NID1: variants seen among roughly 807,000 people sequenced by gnomAD.
NID1 encodes nidogen 1.
Under a neutral mutation model 130.6 loss-of-function variants are expected in NID1, and 76 were observed. That is an observed-to-expected ratio of 0.58 (90% CI 0.48 to 0.70). The LOEUF is 0.70. NID1 is among the 30% of genes least tolerant of loss of function. The probability of loss-of-function intolerance (pLI) is 0.00; values close to 1 mark genes in which losing one functional copy is unlikely to be tolerated. For missense variants in NID1, 1,517 were observed against 1,664.8 expected (o/e 0.91, Z 1.54); for synonymous variants, 665 against 675.1 (o/e 0.98, Z 0.23).
chr1:236,004,534 G>A (rs2102810650), intron 12 of NID1, among the ~76,000 whole-genome samples: 1 of 152,244 alleles, frequency 6.6e-6, no homozygotes, highest in Middle Eastern at 3.4e-3. Context: ...AAGCCAAGGC[G>A]AGTGGATCAG....
chr1:236,014,426 A>T (rs1658527116), intron 10 of NID1, among the ~76,000 whole-genome samples: 1 of 152,184 alleles, frequency 6.6e-6, no homozygotes, highest in Non-Finnish European at 1.5e-5. Context: ...AGAAAATCAG[A>T]AGCAAAATGC....
chr1:236,059,002 T>TA (rs1272671185), intron 1 of NID1, among the ~76,000 whole-genome samples: 1 of 152,254 alleles, frequency 6.6e-6, no homozygotes, highest in African/African-American at 2.4e-5. Context: ...AGGCTCTTTT[T>TA]ATCTTTTAAA....
chr1:236,064,946 T>A lies in NID1; in HGVS notation c.134A>T (p.Glu45Val). The change falls in exon 1 of 20, where the codon GAG becomes GTG. Residue 45 changes from glutamate to valine, a missense_variant. By Grantham distance (121) the Glu-to-Val change is moderately radical. Transcript: ENST00000264187. Reference protein sequence around the residue: ...FPFGPGQGDLELEDGDDFVSP... With the variant: ...FPFGPGQGDLVLEDGDDFVSP... ...GACGAAGTCATCCCCGTCCTCCAGC[T>A]CCAGGTCCCCCTGTCCGGGGCCGAA... 6.2e-7 allele frequency: 1 copy of A among 1,607,842 alleles called. No homozygotes were observed. The highest frequency in any genetic ancestry group is 8.5e-7 in the Non-Finnish European group (1 of 1,177,598).
Position 236,025,921 on chromosome 1 carries a change from G to T in NID1, c.1959C>A (p.Leu653=). ...NQEEKILRYA[L]SNSIGPVREG... Reference sequence around the variant, plus strand: ...CCCTCACAGGCCCAATGGAGTTGCTGAGAGCATAGCGCAAGATCTTCTCCT... The same window carrying T: ...CCCTCACAGGCCCAATGGAGTTGCTTAGAGCATAGCGCAAGATCTTCTCCT... The change falls in exon 8 of 20, where the codon CTC becomes CTA. Residue 653 remains leucine (L), a synonymous_variant. Coordinates refer to ENST00000264187, the MANE Select transcript of NID1 (RefSeq NM_002508.3). The T allele has an allele frequency of 6.2e-7, 1 of 1,614,102 alleles. No individual in the cohort carries two copies. Among genetic ancestry groups the T allele is most frequent in the Non-Finnish European group, 8.5e-7 (1 of 1,180,024 alleles).
intron 9 of NID1, among the ~76,000 whole-genome samples, chr1:236,022,696 C>T (rs1658801002): frequency 1.3e-5 from 2 of 151,760 alleles, no homozygotes; most frequent in East Asian, 2.0e-4. Flanking sequence ...AATTGAAATG[C>T]TTGTGCACTG....
At chr1:236,028,398 C>T (rs1658999159) in intron 7 of NID1, among the ~76,000 whole-genome samples, 2 of 152,138 alleles carry the variant, frequency 1.3e-5, no homozygotes, top group Admixed American at 6.5e-5. Context: ...GTCCCAGGTA[C>T]TCAGGAGGCT....
chr1:236,027,027 C>T (rs1286636096), intron 7 of NID1, among the ~76,000 whole-genome samples: 1 of 152,164 alleles, frequency 6.6e-6, no homozygotes, highest in Non-Finnish European at 1.5e-5. Context: ...AGGTGTGAGG[C>T]ACTACTTCTG....
At position 236,039,480 on chromosome 1, in the gene NID1, T is replaced by C. The variant is rs149389216; in HGVS notation, c.1136-1227A>G. Among the ~76,000 whole-genome samples, 451 of 151,868 alleles carry C rather than the reference T, an allele frequency of 3.0e-3. 1 individual carries two copies. The highest frequency in any genetic ancestry group is 0.017 in the Middle Eastern group (5 of 294). On this transcript the variant is annotated intron_variant, in intron 4 of 19. Transcript: ENST00000264187. ...CTTATACTCAAAAGCTGAACAAAAA[T>C]AATGCCCTAGTCACACCTGGGCTAA...
At chr1:236,058,173 TG>T (rs1417407055) in intron 1 of NID1, among the ~76,000 whole-genome samples, 1 of 152,206 alleles carries the variant, frequency 6.6e-6, no homozygotes, top group East Asian at 1.9e-4. Context: ...AGTAAAAACT[TG>T]TTTACTGAAA....
At chr1:236,061,232 A>G (rs1332146818) in intron 1 of NID1, among the ~76,000 whole-genome samples, 2 of 152,194 alleles carry the variant, frequency 1.3e-5, no homozygotes, top group African/African-American at 4.8e-5. Context: ...CCATTAGGTG[A>G]AAGATTAGTG....
intron 7 of NID1, 98 bp from the exon 8 acceptor site, chr1:236,026,239 G>A (rs1350180018): frequency 1.4e-6 from 2 of 1,476,332 alleles, no homozygotes; most frequent in African/African-American, 1.4e-5. Flanking sequence ...AGGCACCAGT[G>A]GTATTCCCTG....
chr1:236,062,633 CAAAAAAAAAAAAA>C (rs56709890), intron 1 of NID1, among the ~76,000 whole-genome samples: 1 of 104,230 alleles, frequency 9.6e-6, no homozygotes, highest in African/African-American at 3.9e-5. Flanking sequence ...GACTCTGTCT[CAAAAAAAAAAAAA>C]AAAAAAAAAA....
intron 13 of NID1, among the ~76,000 whole-genome samples, chr1:235,993,360 G>A (rs533974884): frequency 1.2e-4 from 18 of 152,144 alleles, no homozygotes; most frequent in East Asian, 3.9e-4. Flanking sequence ...TACAGGTACC[G>A]CTGTGGCAGG....
Position 235,979,985 on chromosome 1 carries a change from G to A in NID1, c.3386-40C>T, listed in dbSNP as rs763095893. 2.0e-5 allele frequency: 32 copies of A among 1,603,896 alleles called. No homozygotes were observed. The Admixed American group carries it at 5.4e-4, about 27-fold the overall frequency. On this transcript the variant is annotated intron_variant, in intron 17 of 19. Coordinates refer to ENST00000264187, the MANE Select transcript of NID1 (RefSeq NM_002508.3). This position sits in a 1 kb window ranked among gnomAD's most constrained non-coding sequence, Gnocchi z 4.6. ...AACAATTCATTCATTGTTCACACAA[G>A]AAATGGCCCCTTTGTGCAAAAAAAA...
chr1:236,016,354 T>C (rs1658594564), intron 10 of NID1, among the ~76,000 whole-genome samples: 1 of 151,914 alleles, frequency 6.6e-6, no homozygotes, highest in African/African-American at 2.4e-5. Context: ...AAGAAAACAT[T>C]CTAGGGTTTA....
intron 14 of NID1, among the ~76,000 whole-genome samples, chr1:235,986,345 A>C (rs1657573547): frequency 6.6e-6 from 1 of 152,182 alleles, no homozygotes; most frequent in African/African-American, 2.4e-5. Flanking sequence ...TGAATCTAGC[A>C]AGGATGCAAG....
intron 12 of NID1, among the ~76,000 whole-genome samples, chr1:236,000,228 C>T (rs1658040476): frequency 6.6e-6 from 1 of 152,016 alleles, no homozygotes; most frequent in Admixed American, 6.6e-5. Context: ...AAAACAACAA[C>T]AACAACAACA....
chr1:236,038,044 C>T, intron 5 of NID1, 60 bp downstream of exon 5: 2 of 1,542,130 alleles, frequency 1.3e-6, no homozygotes, highest in East Asian at 4.6e-5. Flanking sequence ...AAACGAGCAC[C>T]AAAACAAAAA....
intron 9 of NID1, 65 bp downstream of exon 9, chr1:236,024,005 A>G: frequency 1.3e-6 from 2 of 1,592,018 alleles, no homozygotes; most frequent in Non-Finnish European, 1.7e-6. Flanking sequence ...TCTGGTTTAC[A>G]GAACGTGGAT....
Sources: gnomAD v4.1 joint callset for allele counts (sites outside exome capture counted in the v4.1 genomes callset) on GRCh38, gnomAD v4.1.1 for gene constraint, Gnocchi (gnomAD v3.1) non-coding constraint, MANE v1.5 for transcripts, NCBI Gene and HGNC (gene_info 2026-07-23, HGNC 2026-07-21) for gene names.